Variants in KLHL18 observed in about 807,000 individuals in gnomAD.
KLHL18 encodes the protein kelch like family member 18.
A neutral mutation model predicts 58.5 loss-of-function variants in KLHL18; 38 were observed. That is an observed-to-expected ratio of 0.65 (90% CI 0.50 to 0.85). The LOEUF (loss-of-function observed/expected upper bound fraction) is 0.85. Among genes scored for constraint, KLHL18 ranks in the 40% least tolerant of loss-of-function variants. The pLI is 0.00. For synonymous variants in KLHL18, 303 were observed against 301.9 expected (o/e 1.00, Z -0.04); for missense variants, 624 against 778.4 (o/e 0.80, Z 2.36).
intron 1 of KLHL18, among the ~76,000 whole-genome samples, chr3:47,297,254 T>G (rs1702916565): frequency 6.6e-6 from 1 of 152,230 alleles, no homozygotes; most frequent in Non-Finnish European, 1.5e-5. Context: ...TATGTTTTAT[T>G]ATACTTGCCA....
chr3:47,301,073 G>T (rs1432897750), intron 1 of KLHL18, among the ~76,000 whole-genome samples: 1 of 151,888 alleles, frequency 6.6e-6, no homozygotes, highest in African/African-American at 2.4e-5. Flanking sequence ...TCATTGGATT[G>T]TTTTTTGTTT....
At chr3:47,295,235 G>A (rs1702872156) in intron 1 of KLHL18, among the ~76,000 whole-genome samples, 1 of 152,148 alleles carries the variant, frequency 6.6e-6, no homozygotes, top group Non-Finnish European at 1.5e-5. Context: ...ACGTCAGAGG[G>A]AGAAGCTTAA....
In KLHL18 at chr3:47,345,012, A is replaced by G. The variant is rs994914434; in HGVS notation, c.*1071A>G. ...GCTCCTAGCTGTGGCTGGGGGCTCCAGGCGCCCCTGTGATTACCTCCTACT... is the reference window on the plus strand; with the variant it reads ...GCTCCTAGCTGTGGCTGGGGGCTCCGGGCGCCCCTGTGATTACCTCCTACT... On this transcript the variant is annotated 3_prime_UTR_variant, in exon 10 of 10. Coordinates refer to ENST00000232766, the MANE Select transcript of KLHL18 (RefSeq NM_025010.5). 6.6e-6 allele frequency: 1 copy of G among 152,474 alleles called. No individual in the cohort carries two copies. The highest frequency in any genetic ancestry group is 1.5e-5 in the Non-Finnish European group (1 of 68,076). 9.4% of individuals were successfully genotyped at this position (152,474 alleles called of 1,614,324 possible). A position where few individuals can be genotyped will look rare whatever the true frequency, so the allele number is the denominator to read the frequency against.
rs1202672222 is a variant in KLHL18 at position 47,341,892 on chromosome 3, CT to C, written c.1227-823del. On this transcript the variant is annotated intron_variant, in intron 8 of 9. Coordinates refer to ENST00000232766, the MANE Select transcript of KLHL18 (RefSeq NM_025010.5). ...AGGCAACATAAGAGAGACCCTGTCT[CT>C]TTTAAAAAAAAAAAAAAAAAAAAAG... is the stretch of plus-strand genomic sequence containing the variant. 9.2e-5 allele frequency among the ~76,000 whole-genome samples: 9 copies of C among 98,288 alleles called. No individual in the cohort carries two copies. In the South Asian group the frequency reaches 1.1e-3, roughly 12 times the overall value. 64.5% of individuals were successfully genotyped at this position (98,288 alleles called of 152,430 possible).
rs1703643553 is a variant in KLHL18, at chr3:47,323,802, A to C, written c.401+1094A>C. Among the ~76,000 whole-genome samples, 2 of 151,844 alleles carry C rather than the reference A, an allele frequency of 1.3e-5. 1 individual carries two copies. Among genetic ancestry groups the C allele is most frequent in the Non-Finnish European group, 2.9e-5 (2 of 67,956 alleles). ...ATCTGGTCTGTCAGCATTCCTCCTG[A>C]CTCAGATCTGCCCTCCGAACCTCAT... On this transcript the variant is annotated intron_variant, in intron 3 of 9. Transcript: ENST00000232766.
At chr3:47,318,472 A>G (rs1183294328) in intron 1 of KLHL18, among the ~76,000 whole-genome samples, 4 of 152,220 alleles carry the variant, frequency 2.6e-5, no homozygotes, top group Admixed American at 2.6e-4. Flanking sequence ...CACTTCTGCT[A>G]TATTCTGTTG....
At chr3:47,321,570 G>A (rs557688982) in intron 2 of KLHL18, among the ~76,000 whole-genome samples, 4 of 152,006 alleles carry the variant, frequency 2.6e-5, no homozygotes, top group Admixed American at 6.5e-5. Context: ...GGCTGGTCTC[G>A]AGCTCCTGAC....
intron 1 of KLHL18, among the ~76,000 whole-genome samples, chr3:47,302,398 T>C (rs1024783309): frequency 6.6e-6 from 1 of 152,108 alleles, no homozygotes; most frequent in Non-Finnish European, 1.5e-5. Flanking sequence ...GGTGGGAGAA[T>C]TGCTTAAACC....
chr3:47,284,044 G>A (rs976672410), intron 1 of KLHL18, among the ~76,000 whole-genome samples: 4 of 152,212 alleles, frequency 2.6e-5, no homozygotes, highest in Non-Finnish European at 5.9e-5. Flanking sequence ...ACCAGCCTGG[G>A]CTATGTAGGG....
At chr3:47,333,054 A>G (rs923254537) in intron 4 of KLHL18, 103 bp from the exon 5 acceptor site, 40 of 1,211,754 alleles carry the variant, frequency 3.3e-5, no homozygotes, top group Non-Finnish European at 4.1e-5. Context: ...GATGGGCCCA[A>G]GGGACTGCTT....
At chr3:47,333,062 C>G in intron 4 of KLHL18, 95 bp from the exon 5 acceptor site, 1 of 1,311,932 alleles carries the variant, frequency 7.6e-7, no homozygotes, top group Non-Finnish European at 1.1e-6. Flanking sequence ...CAAGGGACTG[C>G]TTCAGTATAG....
chr3:47,300,532 C>T (rs1160480041), intron 1 of KLHL18, among the ~76,000 whole-genome samples: 1 of 149,828 alleles, frequency 6.7e-6, no homozygotes, highest in East Asian at 1.9e-4. Flanking sequence ...GCATGAACCA[C>T]CATGTTACAG....
chr3:47,312,281 C>A (rs1472985257), intron 1 of KLHL18, among the ~76,000 whole-genome samples: 2 of 152,092 alleles, frequency 1.3e-5, no homozygotes, highest in African/African-American at 4.8e-5. Context: ...AGATTCATTT[C>A]TTTTTTTCTG....
In KLHL18 at chr3:47,344,087, C is replaced by A; in HGVS notation, c.*146C>A. On this transcript the variant is annotated 3_prime_UTR_variant, in exon 10 of 10. Coordinates refer to ENST00000232766, the MANE Select transcript of KLHL18 (RefSeq NM_025010.5). ...GGTACAGTTTTTCCAGGTGCTTAAG[C>A]CCTCCCCCACTGTGCCACCCTTGTG... The A allele has an allele frequency of 9.8e-7, 1 of 1,020,566 alleles. No homozygotes were observed. Among genetic ancestry groups the A allele is most frequent in the Non-Finnish European group, 1.4e-6 (1 of 716,794 alleles). The allele number at this position is 1,020,566 out of a possible 1,614,324, so 63.2% of individuals were successfully genotyped here.
At chr3:47,287,081 GC>G (rs1702690384) in intron 1 of KLHL18, 1 of 152,230 alleles carries the variant, frequency 6.6e-6, no homozygotes, top group African/African-American at 2.4e-5. Context: ...TCAGTGGCTT[GC>G]CATCCGCAAT....
At chr3:47,286,300 G>A (rs545699696) in intron 1 of KLHL18, among the ~76,000 whole-genome samples, 7 of 152,144 alleles carry the variant, frequency 4.6e-5, no homozygotes, top group African/African-American at 1.4e-4. Flanking sequence ...TGGTGGGACC[G>A]GGGAAAGAGC....
At chr3:47,315,671 A>G (rs961011037) in intron 1 of KLHL18, among the ~76,000 whole-genome samples, 78 of 152,234 alleles carry the variant, frequency 5.1e-4, no homozygotes, top group African/African-American at 1.9e-3. Flanking sequence ...AAGCCCACAA[A>G]TCAACAAGCC....
chr3:47,316,073 A>T (rs1703414434), intron 1 of KLHL18, among the ~76,000 whole-genome samples: 1 of 152,188 alleles, frequency 6.6e-6, no homozygotes, highest in African/African-American at 2.4e-5. Flanking sequence ...CTAACACCTG[A>T]CTAATAGAAA....
intron 1 of KLHL18, chr3:47,297,549 CT>C: frequency 2.2e-6 from 1 of 456,614 alleles, no homozygotes; most frequent in South Asian, 1.5e-5. Context: ...TTTTCTTGAG[CT>C]TTTTACTTCA....
Sources: allele counts gnomAD v4.1 joint callset (sites outside exome capture counted in the v4.1 genomes callset), GRCh38; gene constraint gnomAD v4.1.1; transcripts MANE v1.5; gene names NCBI Gene and HGNC (gene_info 2026-07-23, HGNC 2026-07-21).